Variants in HNF1B observed in about 807,000 individuals in gnomAD.
HNF1B encodes the protein HNF1 homeobox B.
A neutral mutation model predicts 61.7 loss-of-function variants in HNF1B; 8 were observed. That is an observed-to-expected ratio of 0.13 (90% CI 0.08 to 0.23). The LOEUF (loss-of-function observed/expected upper bound fraction) is 0.23, where lower values mean the gene tolerates loss of function less well. Ranked by LOEUF, HNF1B falls within the 10% of genes least tolerant of loss-of-function variation. HNF1B has a pLI of 1.00. For missense variants in HNF1B, 562 were observed against 714.5 expected (o/e 0.79, Z 2.43); for synonymous variants, 314 against 287.7 (o/e 1.09, Z -0.93).
At chr17:37,698,490 G>A (rs976424567) in intron 8 of HNF1B, among the ~76,000 whole-genome samples, 23 of 152,262 alleles carry the variant, frequency 1.5e-4, no homozygotes, top group African/African-American at 5.5e-4. Context: ...GCAGGAAGTT[G>A]ATTCTAAATT....
intron 5 of HNF1B, among the ~76,000 whole-genome samples, 156 bp from the exon 6 acceptor site, chr17:37,705,205 C>A (rs1158959373): frequency 6.6e-6 from 1 of 152,204 alleles, no homozygotes; most frequent in Non-Finnish European, 1.5e-5. Flanking sequence ...CATGGTGCTT[C>A]ACCCCTGTAA....
rs547160758 is a variant in HNF1B, at chr17:37,694,447, C to T, written c.1653+4629G>A. ...ATCCCCCCGCCCCGCCGCCCCCCCC[C>T]CCCCCCGCAAAAAAAAAAGATACTT... is the stretch of plus-strand genomic sequence containing the variant. On this transcript the variant is annotated intron_variant, in intron 8 of 8. Transcript: ENST00000617811. 6.3e-5 allele frequency among the ~76,000 whole-genome samples: 5 copies of T among 78,824 alleles called. 1 individual carries two copies. The highest frequency in any genetic ancestry group is 1.7e-4 in the African/African-American group (4 of 24,158). 51.7% of individuals were successfully genotyped at this position (78,824 alleles called of 152,430 possible). A position where few individuals can be genotyped will look rare whatever the true frequency, so the allele number is the denominator to read the frequency against.
chr17:37,727,194 G>C (rs1171931046), intron 4 of HNF1B, among the ~76,000 whole-genome samples: 1 of 152,044 alleles, frequency 6.6e-6, no homozygotes. Flanking sequence ...GACCTTTTAG[G>C]GGCCTTTCTC....
intron 4 of HNF1B, among the ~76,000 whole-genome samples, chr17:37,718,784 C>G (rs1345918271): frequency 6.6e-6 from 1 of 152,240 alleles, no homozygotes; most frequent in African/African-American, 2.4e-5. Flanking sequence ...TCATGCTAAG[C>G]ATTCAGTAAA....
Position 37,722,841 on chromosome 17 carries a change from G to T in HNF1B, c.1045+8754C>A, listed in dbSNP as rs544792041. On this transcript the variant is annotated intron_variant, in intron 4 of 8. Coordinates refer to ENST00000617811, the MANE Select transcript of HNF1B (RefSeq NM_000458.4). The stretch of plus-strand genomic sequence containing the variant: ...GTTTCCAGAAAATCAGCCCTTAGGA[G>T]CTCTGAGGTTTCCCTTTGCTCACCG... 4.3e-4 allele frequency among the ~76,000 whole-genome samples: 65 copies of T among 152,228 alleles called. 1 individual carries two copies. The South Asian group carries it at 0.013, about 30-fold the overall frequency.
At chr17:37,713,162 A>T (rs1311632269) in intron 4 of HNF1B, among the ~76,000 whole-genome samples, 1 of 151,948 alleles carries the variant, frequency 6.6e-6, no homozygotes, top group Non-Finnish European at 1.5e-5. Flanking sequence ...TGCTCCTGAG[A>T]GAGTGTTGAT....
chr17:37,688,604 C>A (rs1033248951), intron 8 of HNF1B, among the ~76,000 whole-genome samples: 6 of 152,134 alleles, frequency 3.9e-5, no homozygotes, highest in African/African-American at 1.4e-4. Flanking sequence ...TTCAAACTAG[C>A]TGTCTAGGTG....
At chr17:37,701,303 A>G in intron 6 of HNF1B, 126 bp from the exon 7 acceptor site, 2 of 860,982 alleles carry the variant, frequency 2.3e-6, no homozygotes, top group Non-Finnish European at 3.8e-6. Flanking sequence ...AGGAGATTCC[A>G]TGGGAGGCAA....
Position 37,731,639 on chromosome 17 carries a change from G to A in HNF1B, c.1001C>T (p.Ser334Phe), listed in dbSNP as rs776928989. The A allele has an allele frequency of 6.2e-7, 1 of 1,614,014 alleles. No homozygotes were observed. The highest frequency in any genetic ancestry group is 8.5e-7 in the Non-Finnish European group (1 of 1,179,938). Residue 334 changes from serine to phenylalanine, a missense_variant, in exon 4 of 9, where the codon TCC becomes TTC. Around this residue, in one of 6 missense-constraint regions of HNF1B, gnomAD observed 211 missense variants for 200.7 expected, o/e 1.05. Transcript: ENST00000617811. Reference protein sequence around the residue: ...HSLNPLLSHGSPHHQPSSSPP... With the variant: ...HSLNPLLSHGFPHHQPSSSPP... ...AGAGGAGCTGGGCTGGTGGTGGGGG[G>A]AGCCGTGGGAGAGCAGAGGGTTCAG...
intron 6 of HNF1B, among the ~76,000 whole-genome samples, chr17:37,702,277 A>G (rs1167336955): frequency 1.3e-5 from 2 of 152,224 alleles, no homozygotes; most frequent in Non-Finnish European, 2.9e-5. Context: ...GAGGGAAGTC[A>G]TCAATGGAGA....
intron 4 of HNF1B, among the ~76,000 whole-genome samples, chr17:37,726,698 G>A (rs2107131): frequency 0.29 from 44,163 of 151,986 alleles, 7,362 homozygotes; most frequent in South Asian, 0.41. Flanking sequence ...AGCCACATCA[G>A]GGAAGTCAAG....
At chr17:37,701,284 C>A in intron 6 of HNF1B, 107 bp from the exon 7 acceptor site, 1 of 1,083,268 alleles carries the variant, frequency 9.2e-7, no homozygotes, top group Non-Finnish European at 1.4e-6. Flanking sequence ...CGGGCTGAGC[C>A]TGTTACATAG....
chr17:37,740,341 G>A (rs1255653681), intron 1 of HNF1B, among the ~76,000 whole-genome samples: 3 of 152,150 alleles, frequency 2.0e-5, no homozygotes, highest in Admixed American at 1.3e-4. Context: ...TGGAAAGTGG[G>A]GATGCCTTTA....
At chr17:37,689,752 AT>A (rs900176551) in intron 8 of HNF1B, among the ~76,000 whole-genome samples, 1 of 152,202 alleles carries the variant, frequency 6.6e-6, no homozygotes, top group African/African-American at 2.4e-5. Flanking sequence ...AAGAGCTAAC[AT>A]TTATCGACAT....
intron 7 of HNF1B, 52 bp downstream of exon 7, chr17:37,700,931 T>A (rs2032545029): frequency 1.3e-6 from 2 of 1,500,846 alleles, no homozygotes. Context: ...GGAAAGTGGT[T>A]GGCCACTGAG....
At chr17:37,696,650 C>T (rs2032395654) in intron 8 of HNF1B, among the ~76,000 whole-genome samples, 1 of 152,188 alleles carries the variant, frequency 6.6e-6, no homozygotes, top group Non-Finnish European at 1.5e-5. Flanking sequence ...TTTTACCCAG[C>T]CTCAGATATT....
At chr17:37,738,026 A>T (rs2033885144) in intron 2 of HNF1B, among the ~76,000 whole-genome samples, 1 of 152,160 alleles carries the variant, frequency 6.6e-6, no homozygotes, top group South Asian at 2.1e-4. Context: ...CTCATTGAAT[A>T]CAGAGAGGCA....
At position 37,710,173 on chromosome 17, in the gene HNF1B, GATGA is replaced by G. The variant is rs956204775; in HGVS notation, c.1206+326_1206+329del. Among the ~76,000 whole-genome samples, 28 of 120,536 alleles carry G rather than the reference GATGA, an allele frequency of 2.3e-4. 1 individual carries two copies. The highest frequency in any genetic ancestry group is 4.6e-4 in the Non-Finnish European group (23 of 50,076). The allele number at this position is 120,536 out of a possible 152,430, so 79.1% of individuals were successfully genotyped here. ...TGGCTTTGGAGGCCTTGGGGGGAGG[GATGA>G]ATGAACATTTTATCAACACAAATGT... On this transcript the variant is annotated intron_variant, in intron 5 of 8. Coordinates refer to ENST00000617811, the MANE Select transcript of HNF1B (RefSeq NM_000458.4).
chr17:37,705,061 A>G lies in HNF1B; in HGVS notation c.1207-12T>C, dbSNP rs2032698362. On this transcript the variant is annotated splice_polypyrimidine_tract_variant and intron_variant, in intron 5 of 8. Transcript: ENST00000617811. ...CCTGAGACTGAGATCTGATGGAGAG[A>G]AAAAAACAAGAGAAACATGGGTGGA... The G allele has an allele frequency of 1.9e-6, 3 of 1,612,356 alleles. No individual in the cohort carries two copies. The South Asian group carries it at 3.3e-5, about 18-fold the overall frequency.
Sources: allele counts gnomAD v4.1 joint callset (sites outside exome capture counted in the v4.1 genomes callset), GRCh38; gene constraint gnomAD v4.1.1; regional missense constraint gnomAD v4.1.1; transcripts MANE v1.5; gene names NCBI Gene and HGNC (gene_info 2026-07-23, HGNC 2026-07-21).